Variants in UBE2D4 observed in about 807,000 individuals in gnomAD.
UBE2D4 encodes ubiquitin-conjugating enzyme E2 D4.
UBE2D4 carries 17 observed loss-of-function variants against 23.0 expected under a neutral mutation model. That is an observed-to-expected ratio of 0.74 (90% CI 0.51 to 1.11). The LOEUF (loss-of-function observed/expected upper bound fraction) is 1.11, where lower values mean the gene tolerates loss of function less well. UBE2D4 is among the 50% of genes least tolerant of loss of function. The pLI is 0.00. For missense variants in UBE2D4, 139 were observed against 181.8 expected (o/e 0.76, Z 1.35); for synonymous variants, 61 against 69.4 (o/e 0.88, Z 0.60).
chr7:43,941,348 A>G (rs1028642148), intron 2 of UBE2D4: 20 of 152,254 alleles, frequency 1.3e-4, no homozygotes, highest in African/African-American at 4.8e-4. Context: ...TGTTTGGGCC[A>G]TACTGGGCTA....
chr7:43,926,669 C>A, intron 1 of UBE2D4, 113 bp downstream of exon 1: 2 of 1,189,010 alleles, frequency 1.7e-6, no homozygotes, highest in South Asian at 1.6e-5. Context: ...CGCGGATACA[C>A]CTGCCTGGGA....
chr7:43,952,567 C>A, intron 6 of UBE2D4, 83 bp from the exon 7 acceptor site: 2 of 1,237,516 alleles, frequency 1.6e-6, no homozygotes, highest in Non-Finnish European at 2.4e-6. Context: ...GCATTCCCCA[C>A]ATCAGTCCTG....
chr7:43,932,800 T>TAATAA (rs2095948803), intron 1 of UBE2D4, among the ~76,000 whole-genome samples: 1 of 149,780 alleles, frequency 6.7e-6, no homozygotes, highest in Non-Finnish European at 1.5e-5. Context: ...CTCAAAAAAA[T>TAATAA]AATAAAAATA....
chr7:43,947,138 CT>C (rs948527771), intron 4 of UBE2D4: 297 of 141,380 alleles, frequency 2.1e-3, no homozygotes, highest in Non-Finnish European at 2.4e-3. Context: ...GTTTGGTTTT[CT>C]TTTTTTTTTT....
At chr7:43,928,204 G>A in intron 1 of UBE2D4, 1 of 301,538 alleles carries the variant, frequency 3.3e-6, no homozygotes, top group Non-Finnish European at 6.7e-6. Context: ...ATTGTGGGGG[G>A]GCCACCAAGC....
chr7:43,950,746 T>C (rs1316407821), intron 6 of UBE2D4, 54 bp downstream of exon 6: 1 of 1,396,818 alleles, frequency 7.2e-7, no homozygotes, highest in Non-Finnish European at 1.0e-6. Flanking sequence ...GGCAGCTCCA[T>C]GCAGTACCTG....
intron 6 of UBE2D4, 40 bp downstream of exon 6, chr7:43,950,732 C>T: frequency 6.5e-7 from 1 of 1,530,820 alleles, no homozygotes; most frequent in Non-Finnish European, 9.1e-7. Flanking sequence ...CCATGGCTGC[C>T]CCAGGCAGCT....
rs368188299 is a variant in UBE2D4 at position 43,950,707 on chromosome 7, T to C, written c.398+15T>C. On this transcript the variant is annotated intron_variant, in intron 6 of 6. Transcript: ENST00000222402. ...GACAGAGAGAAGTACGTGTCCTCTT[T>C]GGGTTGCCTTTGCACCATGGCTGCC... is the stretch of plus-strand genomic sequence containing the variant. 6.2e-7 allele frequency: 1 copy of C among 1,610,724 alleles called. No individual in the cohort carries two copies. Among genetic ancestry groups the C allele is most frequent in the African/African-American group, 1.3e-5 (1 of 74,996 alleles).
rs562763445 is a variant in UBE2D4 at position 43,952,743 on chromosome 7, A to G, written c.*48A>G. 3 of 1,529,050 alleles carry G rather than the reference A, an allele frequency of 2.0e-6. No individual in the cohort carries two copies. The African/African-American group carries it at 4.1e-5, about 21-fold the overall frequency. The allele number at this position is 1,529,050 out of a possible 1,614,324, so 94.7% of individuals were successfully genotyped here. A position where few individuals can be genotyped will look rare whatever the true frequency, so the allele number is the denominator to read the frequency against. ...GACACTGTCCAAGAGAAGCTGGCAGAGAGGTCTTCCCTTAAAACTTTGGGC... is the reference window on the plus strand; with the variant it reads ...GACACTGTCCAAGAGAAGCTGGCAGGGAGGTCTTCCCTTAAAACTTTGGGC... On this transcript the variant is annotated 3_prime_UTR_variant, in exon 7 of 7. Coordinates refer to ENST00000222402, the MANE Select transcript of UBE2D4 (RefSeq NM_015983.4).
intron 6 of UBE2D4, among the ~76,000 whole-genome samples, chr7:43,951,408 T>A (rs2096002214): frequency 6.6e-6 from 1 of 152,128 alleles, no homozygotes; most frequent in Non-Finnish European, 1.5e-5. Flanking sequence ...GTGGTGTGAA[T>A]CTCAGTTGTG....
At chr7:43,927,514 A>G (rs148159655) in intron 1 of UBE2D4, among the ~76,000 whole-genome samples, 283 of 152,204 alleles carry the variant, frequency 1.9e-3, no homozygotes, top group Non-Finnish European at 3.0e-3. Flanking sequence ...TATGTTGCCC[A>G]GGCTGGTCTC....
At chr7:43,947,634 C>T (rs1387126309) in intron 4 of UBE2D4, among the ~76,000 whole-genome samples, 1 of 152,148 alleles carries the variant, frequency 6.6e-6, no homozygotes, top group Non-Finnish European at 1.5e-5. Context: ...TGAATAGTGC[C>T]GCAATAAACA....
chr7:43,936,299 G>GGAGT (rs1238566977), intron 1 of UBE2D4, among the ~76,000 whole-genome samples: 1 of 151,882 alleles, frequency 6.6e-6, no homozygotes, highest in Non-Finnish European at 1.5e-5. Flanking sequence ...TATAAAGGAT[G>GGAGT]GAGTCTTGGA....
At chr7:43,927,529 T>G (rs1455153073) in intron 1 of UBE2D4, among the ~76,000 whole-genome samples, 1 of 152,174 alleles carries the variant, frequency 6.6e-6, no homozygotes, top group Non-Finnish European at 1.5e-5. Context: ...GGTCTCATAC[T>G]CCTGGGCTTA....
At position 43,948,630 on chromosome 7, in the gene UBE2D4, A is replaced by T; in HGVS notation, c.199-2A>T. 6.3e-7 allele frequency: 1 copy of T among 1,593,920 alleles called. No homozygotes were observed. ...CTGATTGGGGATCTCTTGTCTTTGC[A>T]GGTTGCTTTCACAACCAAAATTTAT... On this transcript the variant is annotated splice_acceptor_variant, in intron 4 of 6. Transcript: ENST00000222402. LOFTEE classifies it high-confidence loss of function.
chr7:43,950,580 C>T lies in UBE2D4; in HGVS notation c.305-19C>T. The T allele has an allele frequency of 6.2e-7, 1 of 1,611,542 alleles. No individual in the cohort carries two copies. Among genetic ancestry groups the T allele is most frequent in the Non-Finnish European group, 8.5e-7 (1 of 1,177,644 alleles). On this transcript the variant is annotated intron_variant, in intron 5 of 6. Coordinates refer to ENST00000222402, the MANE Select transcript of UBE2D4 (RefSeq NM_015983.4). ...CAGCTTCGTGGCTACAGCTGACCAA[C>T]CTTTTCTTTTCTTCCCAGTTCTCTT...
intron 1 of UBE2D4, among the ~76,000 whole-genome samples, chr7:43,930,688 A>G (rs1430808960): frequency 6.6e-6 from 1 of 152,152 alleles, no homozygotes; most frequent in African/African-American, 2.4e-5. Flanking sequence ...TCCTAGGCTC[A>G]TGTAATCCTC....
chr7:43,933,140 G>A (rs1287537475), intron 1 of UBE2D4, among the ~76,000 whole-genome samples: 6 of 148,060 alleles, frequency 4.1e-5, no homozygotes, highest in Admixed American at 1.4e-4. Flanking sequence ...ATACATATAC[G>A]TACATATATA....
In UBE2D4 at chr7:43,952,995, G is replaced by C; in HGVS notation, c.*300G>C. 1 of 401,742 alleles carries C rather than the reference G, an allele frequency of 2.5e-6. No individual in the cohort carries two copies. The highest frequency in any genetic ancestry group is 6.0e-5 in the East Asian group (1 of 16,766). 24.9% of individuals were successfully genotyped at this position (401,742 alleles called of 1,614,324 possible). On this transcript the variant is annotated 3_prime_UTR_variant, in exon 7 of 7. Transcript: ENST00000222402. ...AGTTTGTCTGCTGGTCTCTTGGGGGGCCAGGCCCTGCACGTCTCTCCTACC... is the reference window on the plus strand; with the variant it reads ...AGTTTGTCTGCTGGTCTCTTGGGGGCCCAGGCCCTGCACGTCTCTCCTACC...
Sources: gnomAD v4.1 joint callset for allele counts (sites outside exome capture counted in the v4.1 genomes callset) on GRCh38, gnomAD v4.1.1 for gene constraint, MANE v1.5 for transcripts, NCBI Gene and HGNC (gene_info 2026-07-23, HGNC 2026-07-21) for gene names.